The following ZNF264 variants were observed in gnomAD, a reference collection of about 807,000 sequenced individuals.
The protein encoded by ZNF264 is zinc finger protein 264.
Under a neutral mutation model 11.2 loss-of-function variants are expected in ZNF264, and 11 were observed. The observed-to-expected ratio is 0.98, with a 90% CI of 0.62 to 1.63. The LOEUF (loss-of-function observed/expected upper bound fraction) is 1.63. ZNF264 is among the 40% of genes most tolerant of loss of function. ZNF264 has a pLI of 0.00. For missense variants in ZNF264, 752 were observed against 768.1 expected (o/e 0.98, Z 0.25); for synonymous variants, 309 against 279.8 (o/e 1.10, Z -1.04).
At position 57,201,285 on chromosome 19, in the gene ZNF264, C is replaced by A. The variant is rs563893362; in HGVS notation, c.161-4112C>A. Among the ~76,000 whole-genome samples the A allele has an allele frequency of 4.6e-5, 7 of 151,946 alleles. No individual in the cohort carries two copies. In the East Asian group the frequency reaches 1.2e-3, roughly 25 times the overall value. On this transcript the variant is annotated intron_variant, in intron 2 of 3. Transcript: ENST00000263095. ...CTTTTGGCATCCAGAAGTAGTGGAT[C>A]TTAGTTTCTGTCCCTGGGTAGTAAA...
At chr19:57,199,475 G>A (rs905398172) in intron 2 of ZNF264, among the ~76,000 whole-genome samples, 3 of 151,782 alleles carry the variant, frequency 2.0e-5, no homozygotes, top group African/African-American at 7.3e-5. Context: ...CCCATGATGG[G>A]CCATCTTTTA....
At chr19:57,201,071 A>G (rs2087249870) in intron 2 of ZNF264, among the ~76,000 whole-genome samples, 2 of 152,032 alleles carry the variant, frequency 1.3e-5, no homozygotes, top group South Asian at 2.1e-4. Flanking sequence ...ATGTGTATAT[A>G]TATACAACTT....
At chr19:57,209,450 T>C (rs571558304) in intron 3 of ZNF264, among the ~76,000 whole-genome samples, 2 of 152,344 alleles carry the variant, frequency 1.3e-5, no homozygotes, top group African/African-American at 4.8e-5. Flanking sequence ...CAGGGAATTA[T>C]ATTGAATTTA....
Position 57,222,508 on chromosome 19 carries a change from C to G in ZNF264, c.*9527C>G, listed in dbSNP as rs2087424912. On this transcript the variant is annotated 3_prime_UTR_variant, in exon 4 of 4. Transcript: ENST00000263095. ...AAAGGACCTAGTCTGCTCGCGTTCTCTCTCTCTCTCTCTCTATATATATAT... is the reference window on the plus strand; with the variant it reads ...AAAGGACCTAGTCTGCTCGCGTTCTGTCTCTCTCTCTCTCTATATATATAT... 1 of 90,882 alleles carries G rather than the reference C, an allele frequency of 1.1e-5. No homozygotes were observed. Among genetic ancestry groups the G allele is most frequent in the Non-Finnish European group, 2.2e-5 (1 of 45,518 alleles). The allele number at this position is 90,882 out of a possible 1,614,324, so 5.6% of individuals were successfully genotyped here. A position where few individuals can be genotyped will look rare whatever the true frequency, so the allele number is the denominator to read the frequency against.
chr19:57,211,551 G>A lies in ZNF264; in HGVS notation c.454G>A (p.Gly152Arg). ...AATAGATCCCCAGGAGAAGTCTCCT[G>A]GGAAGATGAGCCCTGAATGTGATGG... ...PGIDPQEKSPGKMSPECDGLG... is the reference protein window; with the variant it reads ...PGIDPQEKSPRKMSPECDGLG... Residue 152 changes from glycine (G) to arginine (R), a missense_variant, in exon 4 of 4, where the codon GGG (glycine) becomes AGG (arginine). By Grantham distance (125) the Gly-to-Arg change is moderately radical. Transcript: ENST00000263095. The A allele has an allele frequency of 1.2e-6, 2 of 1,614,052 alleles. No individual in the cohort carries two copies. Among genetic ancestry groups the A allele is most frequent in the East Asian group, 2.2e-5 (1 of 44,852 alleles).
chr19:57,212,345 G>A lies in ZNF264; in HGVS notation c.1248G>A (p.Arg416=), dbSNP rs1568477127. ...TCAACCACCGATCCTACCTCAAGAG[G>A]CACCAGCGGATTCACACTGGGGAGA... ...KAFNHRSYLK[R]HQRIHTGEKP... The change falls in exon 4 of 4, where the codon AGG becomes AGA. Residue 416 remains arginine, a synonymous_variant. Transcript: ENST00000263095. 4 of 1,613,330 alleles carry A rather than the reference G, an allele frequency of 2.5e-6. No individual in the cohort carries two copies. Among genetic ancestry groups the A allele is most frequent in the Non-Finnish European group, 3.4e-6 (4 of 1,179,780 alleles).
chr19:57,193,830 C>A, intron 1 of ZNF264, 45 bp from the exon 2 acceptor site: 1 of 1,607,190 alleles, frequency 6.2e-7, no homozygotes, highest in Non-Finnish European at 8.5e-7. Flanking sequence ...TGATCTCATT[C>A]AGCAGCTGAA....
At chr19:57,210,171 T>G (rs2087324157) in intron 3 of ZNF264, among the ~76,000 whole-genome samples, 1 of 152,156 alleles carries the variant, frequency 6.6e-6, no homozygotes, top group South Asian at 2.1e-4. Flanking sequence ...GACTACAGTG[T>G]CCAGTGTCCT....
Position 57,221,100 on chromosome 19 carries a change from G to C in ZNF264, c.*8119G>C, listed in dbSNP as rs1439970162. On this transcript the variant is annotated 3_prime_UTR_variant, in exon 4 of 4. Transcript: ENST00000263095. Reference sequence around the variant, plus strand: ...GAGTCTCACTCTGTCACCCATGCTGGTGTGCAGTGGCGTGATCTTGGCTCA... The same window carrying C: ...GAGTCTCACTCTGTCACCCATGCTGCTGTGCAGTGGCGTGATCTTGGCTCA... The C allele has an allele frequency of 6.6e-6, 1 of 152,258 alleles. No individual in the cohort carries two copies. The highest frequency in any genetic ancestry group is 2.1e-4 in the South Asian group (1 of 4,814). 9.4% of individuals were successfully genotyped at this position (152,258 alleles called of 1,614,324 possible).
In ZNF264 at chr19:57,212,016, A is replaced by C; in HGVS notation, c.919A>C (p.Arg307=). 6.2e-7 allele frequency: 1 copy of C among 1,614,016 alleles called. No homozygotes were observed. The highest frequency in any genetic ancestry group is 2.2e-5 in the East Asian group (1 of 44,846). The change falls in exon 4 of 4, where the codon AGG becomes CGG. Residue 307 remains arginine, a synonymous_variant. Coordinates refer to ENST00000263095, the MANE Select transcript of ZNF264 (RefSeq NM_003417.5). Reference sequence around the variant, plus strand: ...CCGCTCCAATTTTGTCTTGCATAACAGGAGACACACTGGAGAAAAATCCTT... The same window carrying C: ...CCGCTCCAATTTTGTCTTGCATAACCGGAGACACACTGGAGAAAAATCCTT... ...THRSNFVLHN[R]RHTGEKSFVC...
chr19:57,200,842 G>A lies in ZNF264; in HGVS notation c.161-4555G>A, dbSNP rs181624012. On this transcript the variant is annotated intron_variant, in intron 2 of 3. Transcript: ENST00000263095. ...GGCCAGGCTCGCCTCGAACTCCTGA[G>A]CTGAAGTGATCCATCCGCCTCAGCC... Among the ~76,000 whole-genome samples the A allele has an allele frequency of 7.9e-4, 120 of 151,938 alleles. 3 individuals are homozygous for A. Among genetic ancestry groups the A allele is most frequent in the African/African-American group, 2.5e-3 (102 of 41,300 alleles).
chr19:57,200,653 T>C (rs1599947964), intron 2 of ZNF264, among the ~76,000 whole-genome samples: 1 of 151,828 alleles, frequency 6.6e-6, no homozygotes, highest in South Asian at 2.1e-4. Context: ...CTTGCTGTCT[T>C]GCCCAGGTTG....
rs1296194351 is a variant in ZNF264, at chr19:57,212,696, C to T, written c.1599C>T (p.His533=). 1 of 1,614,156 alleles carries T rather than the reference C, an allele frequency of 6.2e-7. No individual in the cohort carries two copies. The highest frequency in any genetic ancestry group is 8.5e-7 in the Non-Finnish European group (1 of 1,180,030). The change falls in exon 4 of 4, where the codon CAC becomes CAT. Residue 533 remains histidine (H), a synonymous_variant. Coordinates refer to ENST00000263095, the MANE Select transcript of ZNF264 (RefSeq NM_003417.5). ...STNLIRHAII[H]TGEKPYKCSE... ...ACCTCATTCGACATGCCATTATCCACACTGGAGAGAAGCCCTATAAATGTA... is the reference window on the plus strand; with the variant it reads ...ACCTCATTCGACATGCCATTATCCATACTGGAGAGAAGCCCTATAAATGTA...
intron 1 of ZNF264, chr19:57,193,539 A>G: frequency 2.0e-6 from 2 of 985,314 alleles, no homozygotes; most frequent in Non-Finnish European, 1.2e-6. Flanking sequence ...AGTGAGACTC[A>G]GGTACTGCCG....
intron 2 of ZNF264, among the ~76,000 whole-genome samples, chr19:57,201,385 G>T (rs2087252434): frequency 6.6e-6 from 1 of 151,934 alleles, no homozygotes; most frequent in South Asian, 2.1e-4. Context: ...TGTCCCAAGT[G>T]TAATCAGTCC....
chr19:57,207,343 T>C (rs2087299983), intron 3 of ZNF264, among the ~76,000 whole-genome samples: 1 of 152,158 alleles, frequency 6.6e-6, no homozygotes, highest in Non-Finnish European at 1.5e-5. Context: ...CTGTCTTGTA[T>C]TGCTTGATCA....
At chr19:57,201,998 G>T (rs762310998) in intron 2 of ZNF264, among the ~76,000 whole-genome samples, 29 of 151,674 alleles carry the variant, frequency 1.9e-4, no homozygotes, top group Non-Finnish European at 2.8e-4. Flanking sequence ...TTGAGCCCAG[G>T]AGTTTGAGAC....
At position 57,205,505 on chromosome 19, in the gene ZNF264, A is replaced by G. The variant is rs1445627014; in HGVS notation, c.256+13A>G. 1 of 1,599,388 alleles carries G rather than the reference A, an allele frequency of 6.3e-7. No individual in the cohort carries two copies. Among genetic ancestry groups the G allele is most frequent in the Non-Finnish European group, 8.5e-7 (1 of 1,172,654 alleles). On this transcript the variant is annotated intron_variant, in intron 3 of 3. Transcript: ENST00000263095. Reference sequence around the variant, plus strand: ...GACACCTGTCCAGGTAGGAGCCAAGATCTGGGCAGGTTGGAGTCCCTTCTG... The same window carrying G: ...GACACCTGTCCAGGTAGGAGCCAAGGTCTGGGCAGGTTGGAGTCCCTTCTG...
At chr19:57,198,078 T>A (rs957739361) in intron 2 of ZNF264, among the ~76,000 whole-genome samples, 4 of 152,020 alleles carry the variant, frequency 2.6e-5, no homozygotes, top group African/African-American at 9.7e-5. Context: ...GAAGGTATAT[T>A]GCTGGCCTTG....
Sources: gnomAD v4.1 joint callset for allele counts (sites outside exome capture counted in the v4.1 genomes callset) on GRCh38, gnomAD v4.1.1 for gene constraint, MANE v1.5 for transcripts, NCBI Gene and HGNC (gene_info 2026-07-23, HGNC 2026-07-21) for gene names.